Variants in SSUH2 observed in about 807,000 individuals in gnomAD.
The protein encoded by SSUH2 is ssu-2 homolog, also known as protein SSUH2 homolog.
A neutral mutation model predicts 55.3 loss-of-function variants in SSUH2; 47 were observed. The ratio of observed to expected loss-of-function variants is 0.85; its 90% confidence interval spans 0.67 to 1.08. SSUH2 has a LOEUF of 1.08. Ranked by LOEUF, SSUH2 falls within the 50% of genes least tolerant of loss-of-function variation. The probability of loss-of-function intolerance (pLI) is 0.00; values close to 1 mark genes in which losing one functional copy is unlikely to be tolerated. For synonymous variants in SSUH2, 212 were observed against 191.5 expected, an observed-to-expected ratio of 1.11 and a Z score of -0.89; for missense variants, 535 against 490.7, an observed-to-expected ratio of 1.09 and a Z score of -0.85.
At chr3:8,635,201 C>G in intron 3 of SSUH2, 99 bp downstream of exon 3, 2 of 1,009,532 alleles carry the variant, frequency 2.0e-6, no homozygotes, top group Non-Finnish European at 2.9e-6. Flanking sequence ...GCAGACGGCC[C>G]CCTCCAGGGA....
At chr3:8,663,298 C>A (rs1703676183) in intron 6 of SSUH2, among the ~76,000 whole-genome samples, 1 of 152,278 alleles carries the variant, frequency 6.6e-6, no homozygotes, top group Admixed American at 6.5e-5. Flanking sequence ...CTCTACCACA[C>A]TGCATTATTC....
intron 7 of SSUH2, among the ~76,000 whole-genome samples, chr3:8,653,039 C>T (rs1380033807): frequency 6.6e-6 from 1 of 152,208 alleles, no homozygotes; most frequent in Non-Finnish European, 1.5e-5. Flanking sequence ...AGCTCCACAT[C>T]CACTTGGAGA....
At position 8,676,324 on chromosome 3, in the gene SSUH2, G is replaced by C. The variant is rs59288867; in HGVS notation, c.-753+882C>G. Among the ~76,000 whole-genome samples, 908 of 152,068 alleles carry C rather than the reference G, an allele frequency of 6.0e-3. 11 individuals carry two copies. The highest frequency in any genetic ancestry group is 0.019 in the African/African-American group (788 of 41,492). ...GTGTTTCTACTCCCTGCGATATCGC[G>C]TGTCATATCCTCCTCTCCCACGTTG... On this transcript the variant is annotated intron_variant, in intron 3 of 18. Coordinates refer to the SSUH2 transcript ENST00000317371.
chr3:8,670,190 A>G (rs1007271924), intron 5 of SSUH2, among the ~76,000 whole-genome samples: 2 of 152,070 alleles, frequency 1.3e-5, no homozygotes, highest in African/African-American at 4.8e-5. Context: ...GCCCTGAGAG[A>G]GCAGCGGTAT....
intron 3 of SSUH2, 188 bp from the exon 4 acceptor site, chr3:8,633,983 G>A (rs780234691): frequency 1.4e-5 from 23 of 1,600,700 alleles, no homozygotes; most frequent in East Asian, 4.5e-5. Flanking sequence ...GCGTGAGAAC[G>A]GGGCAGGTTT....
upstream of SSUH2, chr3:8,644,889 A>T: frequency 3.9e-6 from 3 of 769,282 alleles, no homozygotes. Flanking sequence ...CAACAAAGGG[A>T]AACATCTATA....
At chr3:8,632,305 C>T (rs1482034999) in intron 4 of SSUH2, among the ~76,000 whole-genome samples, 196 bp from the exon 5 acceptor site, 1 of 152,158 alleles carries the variant, frequency 6.6e-6, no homozygotes, top group Admixed American at 6.5e-5. Flanking sequence ...GGGAAGTCAG[C>T]CAGCCCCAGG....
intron 5 of SSUH2, among the ~76,000 whole-genome samples, chr3:8,666,233 C>G (rs1703980163): frequency 6.6e-6 from 1 of 152,096 alleles, no homozygotes; most frequent in South Asian, 2.1e-4. Context: ...AATCTAAACA[C>G]TAAAAAGAAA....
At chr3:8,644,650 G>GATT in intron 1 of SSUH2, 81 bp downstream of exon 1, 1 of 1,220,530 alleles carries the variant, frequency 8.2e-7, no homozygotes, top group Non-Finnish European at 1.2e-6. Context: ...CAACATATTA[G>GATT]AGGTCAGATT....
intron 5 of SSUH2, among the ~76,000 whole-genome samples, chr3:8,665,055 C>T (rs1157322747): frequency 6.6e-6 from 1 of 152,126 alleles, no homozygotes; most frequent in African/African-American, 2.4e-5. Context: ...TCTTTTCCAC[C>T]GAATTTTCTG....
chr3:8,678,366 T>C (rs535906890), intron 2 of SSUH2, among the ~76,000 whole-genome samples: 88 of 152,190 alleles, frequency 5.8e-4, no homozygotes, highest in Middle Eastern at 3.4e-3. Context: ...TGGGGAGTAA[T>C]ATCATCCTCT....
intron 3 of SSUH2, 125 bp from the exon 4 acceptor site, chr3:8,633,920 G>C: frequency 4.3e-6 from 7 of 1,614,028 alleles, no homozygotes; most frequent in Non-Finnish European, 5.1e-6. Flanking sequence ...GCCCTCAGCA[G>C]TCCAACTGGG....
At chr3:8,678,982 AC>A (rs1408281399) in intron 2 of SSUH2, among the ~76,000 whole-genome samples, 5 of 84,232 alleles carry the variant, frequency 5.9e-5, no homozygotes, top group Admixed American at 1.2e-4. Context: ...GCGGAGAGTC[AC>A]CCCCCGCGAG....
chr3:8,633,644 C>T (rs762307154), intron 4 of SSUH2, 22 bp downstream of exon 4: 13 of 1,497,640 alleles, frequency 8.7e-6, no homozygotes, highest in Non-Finnish European at 1.2e-5. Context: ...GCCAAGGCCC[C>T]CCACCGGCCC....
intron 2 of SSUH2, among the ~76,000 whole-genome samples, chr3:8,679,050 G>GA (rs1230971897): frequency 1.8e-5 from 2 of 108,514 alleles, no homozygotes; most frequent in African/African-American, 3.1e-5. Flanking sequence ...ACCAAACGCA[G>GA]GGGAGGAAGC....
At position 8,623,898 on chromosome 3, in the gene SSUH2, G is replaced by A. The variant is rs183410241; in HGVS notation, c.874-242C>T. Among the ~76,000 whole-genome samples the A allele has an allele frequency of 3.1e-4, 47 of 152,316 alleles. No homozygotes were observed. In the East Asian group the frequency reaches 8.1e-3, roughly 26 times the overall value. On this transcript the variant is annotated intron_variant, in intron 10 of 11. Coordinates refer to ENST00000544814, the MANE Select transcript of SSUH2 (RefSeq NM_001256748.3). ...GCGTGCCTCCTGTGTGCCGGGCACC[G>A]CGCTAGGTGCAGGACAAGGCAGTGA...
At chr3:8,673,754 C>T (rs760863251) in intron 3 of SSUH2, among the ~76,000 whole-genome samples, 1 of 152,142 alleles carries the variant, frequency 6.6e-6, no homozygotes, top group South Asian at 2.1e-4. Flanking sequence ...TACCAGGAAC[C>T]GAACACCTGT....
chr3:8,641,081 C>T (rs1575195612), intron 1 of SSUH2, among the ~76,000 whole-genome samples: 1 of 152,304 alleles, frequency 6.6e-6, no homozygotes, highest in Non-Finnish European at 1.5e-5. Flanking sequence ...GCTGGTTCTG[C>T]CAGCGGCACC....
chr3:8,648,186 C>T (rs936047488), upstream of SSUH2, among the ~76,000 whole-genome samples: 5 of 152,286 alleles, frequency 3.3e-5, 1 homozygote, highest in South Asian at 6.2e-4. Context: ...TCCTTATAGA[C>T]GAGACAACAA....
Sources: gnomAD v4.1 joint callset for allele counts (sites outside exome capture counted in the v4.1 genomes callset) on GRCh38, gnomAD v4.1.1 for gene constraint, MANE v1.5 for transcripts, NCBI Gene and HGNC (gene_info 2026-07-23, HGNC 2026-07-21) for gene names.